CACNA1A: variants seen among roughly 807,000 people sequenced by gnomAD.
CACNA1A encodes calcium voltage-gated channel subunit alpha1 A.
Under a neutral mutation model 262.4 loss-of-function variants are expected in CACNA1A, and 57 were observed. The ratio of observed to expected loss-of-function variants is 0.22; its 90% CI spans 0.18 to 0.27. The LOEUF is 0.27. Ranked by LOEUF, CACNA1A falls within the 10% of genes least tolerant of loss-of-function variation. CACNA1A has a pLI of 1.00. For missense variants in CACNA1A, 2,526 were observed against 3,562.8 expected, an observed-to-expected ratio of 0.71 and a Z score of 7.41; for synonymous variants, 1,431 against 1,419.3, an observed-to-expected ratio of 1.01 and a Z score of -0.18.
Position 13,207,762 on chromosome 19 carries a change from C to A in CACNA1A, c.7072G>T (p.Gly2358Cys). Residue 2358 changes from glycine (G) to cysteine (C), a missense_variant, in exon 47 of 47, where the codon GGC becomes TGC. Gly to Cys is a radical substitution (Grantham distance 159, BLOSUM62 -3). This residue lies in a region of CACNA1A where 929 missense variants were observed against 868.1 expected (regional missense o/e 1.07). Coordinates refer to ENST00000360228, the MANE Select transcript of CACNA1A (RefSeq NM_001127222.2). This position sits in a 1 kb window ranked among gnomAD's most constrained non-coding sequence, Gnocchi z 5.7. ...PLAGDRPPTG[G>C]HSSGRSPRME... ...CTGGGCGAGCGGCCGCTGCTGTGGCCCCCCGTGGGCGGCCGATCTCCGGCC... is the reference window on the plus strand; with the variant it reads ...CTGGGCGAGCGGCCGCTGCTGTGGCACCCCGTGGGCGGCCGATCTCCGGCC... 1 of 1,375,388 alleles carries A rather than the reference C, an allele frequency of 7.3e-7. No individual in the cohort carries two copies. Among genetic ancestry groups the A allele is most frequent in the Non-Finnish European group, 9.3e-7 (1 of 1,072,782 alleles). The allele number at this position is 1,375,388 out of a possible 1,614,324, so 85.2% of individuals were successfully genotyped here. A position where few individuals can be genotyped will look rare whatever the true frequency, so the allele number is the denominator to read the frequency against.
In CACNA1A at chr19:13,468,089, C is replaced by T. The variant is rs573816662; in HGVS notation, c.294-12877G>A. Among the ~76,000 whole-genome samples the T allele has an allele frequency of 4.6e-5, 7 of 151,436 alleles. No homozygotes were observed. In the Middle Eastern group the frequency reaches 0.014, roughly 296 times the overall value. On this transcript the variant is annotated intron_variant, in intron 1 of 46. Transcript: ENST00000360228. The stretch of plus-strand genomic sequence containing the variant: ...GAATTAACATGACTCATGGAAAACA[C>T]ACAAATACACAAAAGTAAAATAAAG...
rs1357566736 is a variant in CACNA1A at position 13,404,183 on chromosome 19, CACAT to C, written c.540-32408_540-32405del. 4.9e-5 allele frequency among the ~76,000 whole-genome samples: 7 copies of C among 142,896 alleles called. No homozygotes were observed. The South Asian group carries it at 1.2e-3, about 24-fold the overall frequency. 93.7% of individuals were successfully genotyped at this position (142,896 alleles called of 152,430 possible). A position where few individuals can be genotyped will look rare whatever the true frequency, so the allele number is the denominator to read the frequency against. The stretch of plus-strand genomic sequence containing the variant: ...GCACATATGTGCATATATATATATA[CACAT>C]ATACACACACACACACACAGTAATA... On this transcript the variant is annotated intron_variant, in intron 3 of 46. Transcript: ENST00000360228.
At chr19:13,434,060 T>TA (rs1193703756) in intron 3 of CACNA1A, among the ~76,000 whole-genome samples, 1 of 152,178 alleles carries the variant, frequency 6.6e-6, no homozygotes, top group Admixed American at 6.5e-5. Context: ...TTCTCATCTG[T>TA]AAAATGGGGA....
chr19:13,210,634 G>A lies in CACNA1A; in HGVS notation c.6322C>T (p.Arg2108Cys), dbSNP rs758498629. The A allele has an allele frequency of 6.4e-6, 10 of 1,565,292 alleles. No homozygotes were observed. Among genetic ancestry groups the A allele is most frequent in the South Asian group, 2.4e-5 (2 of 84,834 alleles). Reference protein sequence around the residue: ...AENQRRRGRPRGNNLSTISDT... With the variant: ...AENQRRRGRPCGNNLSTISDT... Reference sequence around the variant, plus strand: ...GTACATACACTGAGGTTATTCCCACGTGGCCGGCCCCTTCTCCTCTGTCAC... The same window carrying A: ...GTACATACACTGAGGTTATTCCCACATGGCCGGCCCCTTCTCCTCTGTCAC... Residue 2108 changes from arginine (R) to cysteine (C), a missense_variant, in exon 44 of 47, where the codon CGT becomes TGT. Arg to Cys is a radical substitution (Grantham distance 180, BLOSUM62 -3). Around this residue, in one of 17 missense-constraint regions of CACNA1A, gnomAD observed 929 missense variants for 868.1 expected, o/e 1.07. Transcript: ENST00000360228.
intron 1 of CACNA1A, among the ~76,000 whole-genome samples, chr19:13,496,997 G>A (rs1046903500): frequency 3.9e-5 from 6 of 152,090 alleles, no homozygotes; most frequent in East Asian, 1.9e-4. Flanking sequence ...CCAAGATCAC[G>A]CAGCCAGTGA....
intron 38 of CACNA1A, among the ~76,000 whole-genome samples, chr19:13,223,865 A>G (rs930421215): frequency 6.6e-6 from 1 of 152,084 alleles, no homozygotes; most frequent in African/African-American, 2.4e-5. Flanking sequence ...GAAGGAGTGC[A>G]CTAAATATCT....
At chr19:13,233,134 A>G (rs970679765) in intron 34 of CACNA1A, among the ~76,000 whole-genome samples, 1 of 151,516 alleles carries the variant, frequency 6.6e-6, no homozygotes, top group Non-Finnish European at 1.5e-5. Flanking sequence ...TGTTCTAGGT[A>G]TGCTGGGCTC....
chr19:13,300,225 T>C (rs2057759974), intron 18 of CACNA1A, among the ~76,000 whole-genome samples: 1 of 152,232 alleles, frequency 6.6e-6, no homozygotes, highest in Non-Finnish European at 1.5e-5. Flanking sequence ...ACTTTCTCTG[T>C]AGTTCCATCG....
intron 37 of CACNA1A, chr19:13,227,119 TACCTGGGAGACCAGGTGCAAGGGG>T (rs2055482087): frequency 5.3e-6 from 1 of 187,118 alleles, no homozygotes; most frequent in South Asian, 1.9e-4. Context: ...TCCAATTTGG[TACCTGGGAGACCAGGTGCAAGGGG>T]ACCTGGGCGC....
intron 24 of CACNA1A, among the ~76,000 whole-genome samples, chr19:13,269,179 G>C (rs1320894362): frequency 6.6e-6 from 1 of 152,056 alleles, no homozygotes; most frequent in South Asian, 2.1e-4. Context: ...GGATGATTGA[G>C]GGAGTTTTCA....
Position 13,317,243 on chromosome 19 carries a change from A to G in CACNA1A, c.1424T>C (p.Met475Thr). 1 of 1,613,676 alleles carries G rather than the reference A, an allele frequency of 6.2e-7. No individual in the cohort carries two copies. The highest frequency in any genetic ancestry group is 2.2e-5 in the East Asian group (1 of 44,882). The stretch of plus-strand genomic sequence containing the variant: ...GACCATGCGGCGGATGTAGAAACGC[A>G]TCCTCCTCTCCTTTTTGTGAAAAAA... ...STFFHKKERR[M>T]RFYIRRMVKT... The change falls in exon 11 of 47, where the codon ATG becomes ACG. Residue 475 changes from methionine to threonine, a missense_variant. This residue lies in a region of CACNA1A where 104 missense variants were observed against 127.6 expected (regional missense o/e 0.81). Transcript: ENST00000360228.
chr19:13,254,453 C>T (rs1038405414), intron 29 of CACNA1A, among the ~76,000 whole-genome samples: 2 of 151,888 alleles, frequency 1.3e-5, no homozygotes, highest in African/African-American at 4.8e-5. Flanking sequence ...ACCTCCGCCT[C>T]CCGGGTTCAA....
chr19:13,299,149 C>T lies in CACNA1A; in HGVS notation c.2484G>A (p.Gln828=). The T allele has an allele frequency of 2.5e-6, 4 of 1,613,320 alleles. No individual in the cohort carries two copies. The highest frequency in any genetic ancestry group is 3.4e-6 in the Non-Finnish European group (4 of 1,179,866). The change falls in exon 19 of 47, where the codon CAG becomes CAA. Residue 828 remains glutamine (Q), a synonymous_variant. Transcript: ENST00000360228. The part of the protein sequence containing the change: ...HLDRPLVVDP[Q]ENRNNNTNKS... ...TGTTGGTGTTGTTGTTGCGGTTCTC[C>T]TGCGGGTCCACCACCAGCGGCCGGT...
chr19:13,462,209 G>A (rs953725642), intron 1 of CACNA1A, among the ~76,000 whole-genome samples: 44 of 152,166 alleles, frequency 2.9e-4, no homozygotes, highest in Non-Finnish European at 1.3e-4. Context: ...AGCCTCCTGT[G>A]GTTGGTGCGG....
In CACNA1A at chr19:13,329,648, T is replaced by A. The variant is rs896402515; in HGVS notation, c.1345+596A>T. ...GAACTACAGGCTAATTTTTTTCGTA[T>A]TTTTAGTAGAGCCAGGGTTTCACCA... On this transcript the variant is annotated intron_variant, in intron 10 of 46. Transcript: ENST00000360228. Among the ~76,000 whole-genome samples, 8 of 151,758 alleles carry A rather than the reference T, an allele frequency of 5.3e-5. 1 individual carries two copies. Among genetic ancestry groups the A allele is most frequent in the South Asian group, 4.2e-4 (2 of 4,796 alleles).
At chr19:13,392,397 C>T (rs1210999149) in intron 3 of CACNA1A, among the ~76,000 whole-genome samples, 2 of 152,092 alleles carry the variant, frequency 1.3e-5, no homozygotes, top group African/African-American at 4.8e-5. Flanking sequence ...GATAATGTGA[C>T]TTGGGCAGGT....
At chr19:13,335,044 A>G (rs1020661658) in intron 7 of CACNA1A, among the ~76,000 whole-genome samples, 2 of 152,018 alleles carry the variant, frequency 1.3e-5, no homozygotes, top group Non-Finnish European at 2.9e-5. Context: ...AAAAAAAACA[A>G]TAAAAAAGAA....
At chr19:13,299,496 C>G in intron 18 of CACNA1A, 143 bp from the exon 19 acceptor site, 2 of 759,596 alleles carry the variant, frequency 2.6e-6, no homozygotes, top group Non-Finnish European at 4.5e-6. Flanking sequence ...AGTCTGTGAG[C>G]ATCTGAGTCA....
At chr19:13,352,751 T>A (rs568116632) in intron 6 of CACNA1A, among the ~76,000 whole-genome samples, 7 of 152,278 alleles carry the variant, frequency 4.6e-5, no homozygotes, top group African/African-American at 1.7e-4. Context: ...CCTCCCTGAT[T>A]GGCTGACCTA....
Sources: gnomAD v4.1 joint callset for allele counts (sites outside exome capture counted in the v4.1 genomes callset) on GRCh38, gnomAD v4.1.1 for gene constraint, gnomAD v4.1.1 regional missense constraint, Gnocchi (gnomAD v3.1) non-coding constraint, MANE v1.5 for transcripts, NCBI Gene and HGNC (gene_info 2026-07-23, HGNC 2026-07-21) for gene names.